CADM2: variants seen among roughly 807,000 people sequenced by gnomAD.
The protein encoded by CADM2 is immunoglobulin superfamily member 4D.
In CADM2, 12 loss-of-function variants were observed where a neutral mutation model predicts 49.8. The observed-to-expected ratio is 0.24, with a 90% CI of 0.15 to 0.39. CADM2 has a LOEUF of 0.39. Among genes scored for constraint, CADM2 ranks in the 10% least tolerant of loss-of-function variants. The pLI is 1.00. For missense variants in CADM2, 378 were observed against 492.3 expected, an observed-to-expected ratio of 0.77 and a Z score of 2.20; for synonymous variants, 214 against 175.4, an observed-to-expected ratio of 1.22 and a Z score of -1.74.
intron 1 of CADM2, among the ~76,000 whole-genome samples, chr3:85,152,708 A>G (rs1261204304): frequency 2.0e-5 from 3 of 152,284 alleles, no homozygotes; most frequent in African/African-American, 4.8e-5. Flanking sequence ...CTGTAATCCC[A>G]GCACTTTGGG....
intron 1 of CADM2, among the ~76,000 whole-genome samples, chr3:85,392,298 T>C (rs1490458962): frequency 6.6e-6 from 1 of 152,106 alleles, no homozygotes; most frequent in Non-Finnish European, 1.5e-5. Flanking sequence ...ATATTTTTCC[T>C]AGTAGATGTT....
intron 1 of CADM2, among the ~76,000 whole-genome samples, chr3:85,321,054 A>G (rs1256008321): frequency 2.1e-5 from 3 of 141,502 alleles, no homozygotes; most frequent in Non-Finnish European, 4.6e-5. Flanking sequence ...AAAAATAAAA[A>G]CTATATTGTT....
chr3:85,136,956 A>G (rs1284297117), intron 1 of CADM2, among the ~76,000 whole-genome samples: 2 of 152,028 alleles, frequency 1.3e-5, no homozygotes, highest in South Asian at 2.1e-4. Context: ...AAAATATGCA[A>G]ATAAGATATT....
At chr3:85,674,864 A>G (rs898678399) in intron 1 of CADM2, among the ~76,000 whole-genome samples, 14 of 152,160 alleles carry the variant, frequency 9.2e-5, no homozygotes, top group East Asian at 1.9e-4. Flanking sequence ...AAGAGACACT[A>G]AAGTTTTTCA....
chr3:86,044,792 A>C (rs1736437849), intron 8 of CADM2, among the ~76,000 whole-genome samples: 1 of 152,216 alleles, frequency 6.6e-6, no homozygotes, highest in Non-Finnish European at 1.5e-5. Flanking sequence ...CACAATAGCA[A>C]AGACTTGGAA....
intron 1 of CADM2, among the ~76,000 whole-genome samples, chr3:85,700,921 A>T (rs1360598205): frequency 6.6e-6 from 1 of 152,208 alleles, no homozygotes; most frequent in Non-Finnish European, 1.5e-5. Flanking sequence ...AATTTCGGAT[A>T]TCTTTAGAGC....
intron 1 of CADM2, among the ~76,000 whole-genome samples, chr3:85,219,110 T>C (rs2041992823): frequency 1.3e-5 from 2 of 152,194 alleles, no homozygotes; most frequent in South Asian, 4.1e-4. Flanking sequence ...ATTATAGGTA[T>C]GGTTTTGAAT....
chr3:85,148,131 A>G (rs751775246), intron 1 of CADM2, among the ~76,000 whole-genome samples: 1 of 152,166 alleles, frequency 6.6e-6, no homozygotes, highest in Non-Finnish European at 1.5e-5. Context: ...CAGCGTGTAA[A>G]CAGACATGTC....
At chr3:85,667,952 T>G (rs1295631518) in intron 1 of CADM2, among the ~76,000 whole-genome samples, 2 of 152,032 alleles carry the variant, frequency 1.3e-5, no homozygotes, top group Non-Finnish European at 2.9e-5. Flanking sequence ...ATGCCAGCTC[T>G]TACTATCTAT....
chr3:85,343,488 G>T (rs914892032), intron 1 of CADM2, among the ~76,000 whole-genome samples: 1 of 152,054 alleles, frequency 6.6e-6, no homozygotes, highest in Admixed American at 6.6e-5. Flanking sequence ...TTTATAAATA[G>T]AATTAATATG....
chr3:86,044,381 C>T (rs1035533884), intron 8 of CADM2, among the ~76,000 whole-genome samples: 1 of 152,104 alleles, frequency 6.6e-6, no homozygotes, highest in African/African-American at 2.4e-5. Flanking sequence ...ACAAACAACC[C>T]CATCAACAAG....
At chr3:85,835,624 T>C (rs1330562481) in intron 3 of CADM2, among the ~76,000 whole-genome samples, 1 of 150,730 alleles carries the variant, frequency 6.6e-6, no homozygotes, top group Non-Finnish European at 1.5e-5. Context: ...CTTTCATTGT[T>C]TTTCTTAGAA....
chr3:85,774,732 C>T (rs1033963905), intron 2 of CADM2, among the ~76,000 whole-genome samples: 1 of 151,172 alleles, frequency 6.6e-6, no homozygotes, highest in Admixed American at 6.6e-5. Flanking sequence ...AATAGGTCAC[C>T]TAAATTAAGT....
intron 1 of CADM2, among the ~76,000 whole-genome samples, chr3:85,053,633 A>T (rs904019507): frequency 3.9e-5 from 6 of 151,950 alleles, no homozygotes; most frequent in Non-Finnish European, 7.4e-5. Flanking sequence ...TCCTCAAGCA[A>T]AAAGGCCCAT....
At chr3:85,008,256 A>G (rs2107241378) in intron 1 of CADM2, among the ~76,000 whole-genome samples, 1 of 152,312 alleles carries the variant, frequency 6.6e-6, no homozygotes, top group East Asian at 1.9e-4. Flanking sequence ...TTTTGTATAT[A>G]TAATACAAAG....
intron 1 of CADM2, among the ~76,000 whole-genome samples, chr3:85,322,590 A>C (rs918610740): frequency 1.3e-5 from 2 of 152,254 alleles, no homozygotes; most frequent in Non-Finnish European, 2.9e-5. Flanking sequence ...CCATGTTTAA[A>C]GTGTAAATAA....
chr3:85,931,935 T>G, intron 6 of CADM2, among the ~76,000 whole-genome samples: 1 of 151,532 alleles, frequency 6.6e-6, no homozygotes, highest in East Asian at 1.9e-4. Flanking sequence ...ATTAAATGGT[T>G]TAATAATTTT....
intron 1 of CADM2, among the ~76,000 whole-genome samples, chr3:85,131,231 TATC>T (rs1471291167): frequency 2.0e-5 from 3 of 152,216 alleles, no homozygotes; most frequent in African/African-American, 7.2e-5. Context: ...CAATACATAA[TATC>T]ATGAAGATTT....
In CADM2 at chr3:85,000,632, C is replaced by G. The variant is rs2033415178; in HGVS notation, c.61+40964C>G. Among the ~76,000 whole-genome samples, 3 of 151,588 alleles carry G rather than the reference C, an allele frequency of 2.0e-5. 1 individual carries two copies. The Admixed American group carries it at 2.0e-4, about 10-fold the overall frequency. ...GTTTTAAACCCATGATTGAATGCAA[C>G]TCTTGGTTCAACATTCTGCATGTCA... On this transcript the variant is annotated intron_variant, in intron 1 of 9. Transcript: ENST00000383699.
Sources: gnomAD v4.1 joint callset for allele counts (sites outside exome capture counted in the v4.1 genomes callset) on GRCh38, gnomAD v4.1.1 for gene constraint, MANE v1.5 for transcripts, NCBI Gene and HGNC (gene_info 2026-07-23, HGNC 2026-07-21) for gene names.